The following PRKAR2B variants were observed in gnomAD, a reference collection of about 807,000 sequenced individuals.
The protein encoded by PRKAR2B is protein kinase cAMP-dependent type II regulatory subunit beta.
A neutral mutation model predicts 49.9 loss-of-function variants in PRKAR2B; 14 were observed. The ratio of observed to expected loss-of-function variants is 0.28; its 90% CI spans 0.19 to 0.44. The LOEUF is 0.44. Ranked by LOEUF, PRKAR2B falls within the 20% of genes least tolerant of loss-of-function variation. PRKAR2B has a pLI of 1.00. For synonymous variants in PRKAR2B, 196 were observed against 197.7 expected (o/e 0.99, Z 0.07); for missense variants, 393 against 537.9 (o/e 0.73, Z 2.67).
rs139069796 is a variant in PRKAR2B at position 107,050,670 on chromosome 7, T to A, written c.307+5456T>A. Among the ~76,000 whole-genome samples, 3 of 152,246 alleles carry A rather than the reference T, an allele frequency of 2.0e-5. No homozygotes were observed. In the East Asian group the frequency reaches 5.8e-4, roughly 29 times the overall value. Reference sequence around the variant, plus strand: ...GATGGAATATTTTAAGGTGAGAGATTCAGTGAAGAAGACTGAAGTGACTAA... The same window carrying A: ...GATGGAATATTTTAAGGTGAGAGATACAGTGAAGAAGACTGAAGTGACTAA... On this transcript the variant is annotated intron_variant, in intron 1 of 10. Transcript: ENST00000265717.
chr7:107,104,174 G>A (rs765479603), intron 2 of PRKAR2B, among the ~76,000 whole-genome samples: 18 of 152,182 alleles, frequency 1.2e-4, no homozygotes, highest in Non-Finnish European at 2.1e-4. Context: ...TAGGACTACA[G>A]CTGCATGCCA....
intron 2 of PRKAR2B, among the ~76,000 whole-genome samples, chr7:107,112,578 T>A (rs1795196901): frequency 6.6e-6 from 1 of 152,186 alleles, no homozygotes. Flanking sequence ...ATCTTATTTT[T>A]ATTTTTTTAA....
intron 1 of PRKAR2B, among the ~76,000 whole-genome samples, chr7:107,052,079 G>A (rs1002110302): frequency 1.3e-5 from 2 of 152,070 alleles, no homozygotes; most frequent in Non-Finnish European, 2.9e-5. Context: ...AACATGATTC[G>A]GCTGTTTCGT....
chr7:107,111,163 A>C (rs1795164500), intron 2 of PRKAR2B, among the ~76,000 whole-genome samples: 1 of 152,154 alleles, frequency 6.6e-6, no homozygotes, highest in Non-Finnish European at 1.5e-5. Flanking sequence ...TGGTGGCCAC[A>C]GGGTGAGGTT....
intron 1 of PRKAR2B, among the ~76,000 whole-genome samples, chr7:107,058,121 C>T (rs1375693866): frequency 1.3e-5 from 2 of 151,580 alleles, no homozygotes. Flanking sequence ...ATCCTTTCCC[C>T]TGAGAAACAG....
rs537621503 is a variant in PRKAR2B, at chr7:107,157,378, T to G, written c.1123+54T>G. The G allele has an allele frequency of 8.1e-5, 127 of 1,559,336 alleles. 1 individual carries two copies. In the South Asian group the frequency reaches 1.3e-3, roughly 15 times the overall value. ...TGCTGGTTGAACTTATGTCTGCATT[T>G]TATGTATTCATGTTGAGTGAATCAT... On this transcript the variant is annotated intron_variant, in intron 10 of 10. Transcript: ENST00000265717.
At chr7:107,129,711 G>T (rs28696194) in intron 4 of PRKAR2B, among the ~76,000 whole-genome samples, 1,545 of 152,296 alleles carry the variant, frequency 0.01, 29 homozygotes, top group African/African-American at 0.035. Flanking sequence ...CCCGAGAGCT[G>T]CTGGTTGCCC....
rs767382083 is a variant in PRKAR2B, at chr7:107,128,192, T to A, written c.397-20T>A. 41 of 1,555,152 alleles carry A rather than the reference T, an allele frequency of 2.6e-5. No homozygotes were observed. The highest frequency in any genetic ancestry group is 3.6e-5 in the Non-Finnish European group (41 of 1,129,148). ...GGTATTGGCTAATGTCTTTGTTTTT[T>A]AAATCTGATGTCCTTTTAGATTATA... On this transcript the variant is annotated intron_variant, in intron 3 of 10. Coordinates refer to ENST00000265717, the MANE Select transcript of PRKAR2B (RefSeq NM_002736.3).
At chr7:107,089,273 A>G (rs1399756961) in intron 2 of PRKAR2B, among the ~76,000 whole-genome samples, 1 of 152,236 alleles carries the variant, frequency 6.6e-6, no homozygotes, top group Admixed American at 6.5e-5. Context: ...CAGGAAAAAA[A>G]TGGCAGAGAT....
At chr7:107,081,401 C>T (rs907127149) in intron 2 of PRKAR2B, among the ~76,000 whole-genome samples, 1 of 150,816 alleles carries the variant, frequency 6.6e-6, no homozygotes, top group African/African-American at 2.4e-5. Context: ...AATGCAGTCC[C>T]TCCCACCCCC....
At chr7:107,063,915 A>G (rs1794077474) in intron 1 of PRKAR2B, among the ~76,000 whole-genome samples, 3 of 152,196 alleles carry the variant, frequency 2.0e-5, no homozygotes, top group African/African-American at 7.2e-5. Context: ...TACTCTTACA[A>G]GCAGAACATT....
intron 2 of PRKAR2B, among the ~76,000 whole-genome samples, chr7:107,080,835 A>G (rs1794501192): frequency 6.6e-6 from 1 of 152,172 alleles, no homozygotes. Flanking sequence ...GAGGGCCTAC[A>G]ATGTGTTGGG....
chr7:107,046,153 A>G (rs2116741069), intron 1 of PRKAR2B, among the ~76,000 whole-genome samples: 1 of 152,298 alleles, frequency 6.6e-6, no homozygotes, highest in East Asian at 1.9e-4. Context: ...ACACACCCAG[A>G]CACACACCCT....
intron 1 of PRKAR2B, among the ~76,000 whole-genome samples, chr7:107,047,035 CTT>C (rs1362329811): frequency 6.6e-6 from 1 of 152,076 alleles, no homozygotes; most frequent in Non-Finnish European, 1.5e-5. Context: ...TTTTATATGG[CTT>C]TATATTCTCC....
intron 1 of PRKAR2B, among the ~76,000 whole-genome samples, chr7:107,059,287 A>ATTT (rs11409999): frequency 6.6e-6 from 1 of 150,738 alleles, no homozygotes. Flanking sequence ...AAAAAAAGTT[A>ATTT]TTTTTTTTTC....
At chr7:107,123,775 A>G (rs953873063) in intron 3 of PRKAR2B, among the ~76,000 whole-genome samples, 1 of 152,198 alleles carries the variant, frequency 6.6e-6, no homozygotes, top group African/African-American at 2.4e-5. Flanking sequence ...TATTTACCCT[A>G]AGATCTGTCC....
At chr7:107,152,134 A>G (rs988341261) in intron 7 of PRKAR2B, among the ~76,000 whole-genome samples, 3 of 152,212 alleles carry the variant, frequency 2.0e-5, no homozygotes, top group African/African-American at 7.2e-5. Flanking sequence ...GCACTGACTC[A>G]TATGAACCAC....
intron 4 of PRKAR2B, among the ~76,000 whole-genome samples, chr7:107,140,591 A>G (rs1012631656): frequency 1.4e-4 from 21 of 152,202 alleles, no homozygotes; most frequent in African/African-American, 5.1e-4. Flanking sequence ...TTTTCATTTT[A>G]AAGTGGTGAT....
chr7:107,069,626 G>C (rs973689459), intron 1 of PRKAR2B: 2 of 152,190 alleles, frequency 1.3e-5, no homozygotes, highest in African/African-American at 2.4e-5. Context: ...CGGAGGAGTG[G>C]GCAGATGGTA....
Sources: allele counts gnomAD v4.1 joint callset (sites outside exome capture counted in the v4.1 genomes callset), GRCh38; gene constraint gnomAD v4.1.1; transcripts MANE v1.5; gene names NCBI Gene and HGNC (gene_info 2026-07-23, HGNC 2026-07-21).